Variants in NCOR2 observed in about 807,000 individuals in gnomAD.
NCOR2 encodes CTG repeat protein 26.
Under a neutral mutation model 262.9 loss-of-function variants are expected in NCOR2, and 81 were observed. That is an observed-to-expected ratio of 0.31 (90% CI 0.26 to 0.37). NCOR2 has a LOEUF of 0.37. Among genes scored for constraint, NCOR2 ranks in the 10% least tolerant of loss-of-function variants. The pLI, the probability that NCOR2 is intolerant of heterozygous loss-of-function variation, is 1.00. For synonymous variants in NCOR2, 1,659 were observed against 1,559.3 expected, an observed-to-expected ratio of 1.06 and a Z score of -1.51; for missense variants, 3,385 against 3,621.4, an observed-to-expected ratio of 0.93 and a Z score of 1.68.
At chr12:124,403,887 G>A (rs539602580) in intron 13 of NCOR2, among the ~76,000 whole-genome samples, 1 of 152,294 alleles carries the variant, frequency 6.6e-6, no homozygotes, top group Non-Finnish European at 1.5e-5. Flanking sequence ...AGAGCCTCGG[G>A]CCTGCATCTG....
At chr12:124,434,338 A>G (rs2044205630) in intron 8 of NCOR2, among the ~76,000 whole-genome samples, 1 of 151,964 alleles carries the variant, frequency 6.6e-6, no homozygotes, top group South Asian at 2.1e-4. Context: ...TACCACAACA[A>G]AGAGACCATC....
At chr12:124,360,899 T>C (rs2038524513) in intron 22 of NCOR2, among the ~76,000 whole-genome samples, 1 of 152,170 alleles carries the variant, frequency 6.6e-6, no homozygotes, top group Non-Finnish European at 1.5e-5. Context: ...ACGTGTTCCC[T>C]GGTTTAACAT....
At chr12:124,558,809 T>C (rs964208756) in intron 1 of NCOR2, among the ~76,000 whole-genome samples, 1 of 152,130 alleles carries the variant, frequency 6.6e-6, no homozygotes, top group Non-Finnish European at 1.5e-5. Context: ...AACGGGCCCC[T>C]GAATGCCCTT....
At chr12:124,499,977 A>T (rs1242998), upstream of NCOR2, among the ~76,000 whole-genome samples, 2 of 152,158 alleles carry the variant, frequency 1.3e-5, no homozygotes, top group Admixed American at 6.5e-5. Context: ...CTGCAGGCCG[A>T]GGAAACAGCT....
At chr12:124,553,885 G>A (rs993201731) in intron 1 of NCOR2, among the ~76,000 whole-genome samples, 2 of 152,178 alleles carry the variant, frequency 1.3e-5, no homozygotes, top group African/African-American at 2.4e-5. Context: ...CCAAGAGCCC[G>A]AGCTGCATGC....
intron 20 of NCOR2, among the ~76,000 whole-genome samples, chr12:124,368,338 A>G (rs1280444689): frequency 6.6e-6 from 1 of 152,158 alleles, no homozygotes; most frequent in African/African-American, 2.4e-5. Context: ...TGGGCCTGCA[A>G]CAGTACATCC....
exon 35 of NCOR2, chr12:124,340,633 G>A (rs750889241): frequency 6.0e-6 from 9 of 1,495,908 alleles, no homozygotes; most frequent in Non-Finnish European, 7.1e-6. Flanking sequence ...TGTGGCGGCT[G>A]CTGAAGGGCT....
In NCOR2 at chr12:124,440,978, A is replaced by G. The variant is rs935445174; in HGVS notation, c.816-2982T>C. On this transcript the variant is annotated intron_variant, in intron 7 of 46. Transcript: ENST00000405201. The surrounding 1 kb of genome is among the most constrained non-coding windows in gnomAD (Gnocchi z 5.7). ...TGGCTGGACAGTGCTGGGGAGGGGC[A>G]GAGAGGACGGAGGAGGGGCTGTGAG... 6.6e-6 allele frequency among the ~76,000 whole-genome samples: 1 copy of G among 152,186 alleles called. No homozygotes were observed. Among genetic ancestry groups the G allele is most frequent in the Non-Finnish European group, 1.5e-5 (1 of 68,038 alleles).
At chr12:124,473,005 C>A in exon 4 of NCOR2, 1 of 1,614,174 alleles carries the variant, frequency 6.2e-7, no homozygotes, top group Non-Finnish European at 8.5e-7. Flanking sequence ...ATCTCTCGGT[C>A]CACGCGGTCC....
At chr12:124,383,410 C>T (rs2040556654) in intron 17 of NCOR2, 5 of 396,538 alleles carry the variant, frequency 1.3e-5, no homozygotes, top group Non-Finnish European at 2.0e-5. Context: ...GCATGTTCGT[C>T]CACGCCAGCG....
chr12:124,396,017 G>A (rs1191417258), intron 16 of NCOR2, among the ~76,000 whole-genome samples: 1 of 152,174 alleles, frequency 6.6e-6, no homozygotes, highest in Non-Finnish European at 1.5e-5. Context: ...TTATTCAGCC[G>A]TACAAAGCTA....
intron 1 of NCOR2, 142 bp from the exon 4 acceptor site, chr12:124,486,710 C>T (rs936772257): frequency 8.2e-6 from 9 of 1,094,514 alleles, no homozygotes; most frequent in Non-Finnish European, 1.0e-5. Context: ...CTGCAGGGAA[C>T]CTCAGGGACC....
At position 124,483,790 on chromosome 12, in the gene NCOR2, A is replaced by T. The variant is rs1470066683; in HGVS notation, c.234-17T>A. Reference sequence around the variant, plus strand: ...TCCTGGGACCTGCAGGAGGTGAGGCATCCAACGTCACATAGGAGATTGCGG... The same window carrying T: ...TCCTGGGACCTGCAGGAGGTGAGGCTTCCAACGTCACATAGGAGATTGCGG... On this transcript the variant is annotated splice_polypyrimidine_tract_variant and intron_variant, in intron 2 of 46. Coordinates refer to ENST00000405201, the Ensembl canonical transcript of NCOR2. This position sits in a 1 kb window ranked among gnomAD's most constrained non-coding sequence, Gnocchi z 6.3. 1 of 1,580,404 alleles carries T rather than the reference A, an allele frequency of 6.3e-7. No homozygotes were observed. The highest frequency in any genetic ancestry group is 8.6e-7 in the Non-Finnish European group (1 of 1,163,284).
chr12:124,424,379 A>AAAG (rs1174689263), intron 11 of NCOR2, among the ~76,000 whole-genome samples: 1 of 152,124 alleles, frequency 6.6e-6, no homozygotes, highest in Non-Finnish European at 1.5e-5. Flanking sequence ...TTTGACGTAG[A>AAAG]AAGATCGTGC....
upstream of NCOR2, chr12:124,538,688 TGTG>T (rs2051193439): frequency 6.5e-6 from 1 of 153,964 alleles, no homozygotes; most frequent in African/African-American, 2.4e-5. Flanking sequence ...AGGAGAGTGA[TGTG>T]GCGGGCGGCC....
chr12:124,449,840 G>A (rs369186073), exon 7 of NCOR2: 14 of 1,613,958 alleles, frequency 8.7e-6, no homozygotes, highest in African/African-American at 1.3e-5. Context: ...TGATACTGCC[G>A]GGTGTCGGAG....
intron 1 of NCOR2, among the ~76,000 whole-genome samples, chr12:124,506,252 A>G (rs1041557965): frequency 1.3e-5 from 2 of 152,192 alleles, no homozygotes; most frequent in African/African-American, 4.8e-5. Flanking sequence ...GCCCAAGGCC[A>G]CACAGTCAGG....
intron 46 of NCOR2, 104 bp from the exon 49 acceptor site, chr12:124,325,687 C>A: frequency 1.4e-6 from 1 of 738,514 alleles, no homozygotes; most frequent in South Asian, 5.8e-5. Flanking sequence ...GCGTTTCTGT[C>A]CAACAGTCCT....
intron 4 of NCOR2, among the ~76,000 whole-genome samples, chr12:124,469,288 G>A (rs149139240): frequency 1.3e-5 from 2 of 152,128 alleles, no homozygotes; most frequent in Non-Finnish European, 2.9e-5. Context: ...CCAAGAAGAA[G>A]TGAACACAGG....
Sources: allele counts gnomAD v4.1 joint callset (sites outside exome capture counted in the v4.1 genomes callset), GRCh38; gene constraint gnomAD v4.1.1; non-coding constraint Gnocchi (gnomAD v3.1); transcripts MANE v1.5; gene names NCBI Gene and HGNC (gene_info 2026-07-23, HGNC 2026-07-21).